Variants in CARMIL1 observed in about 807,000 individuals in gnomAD.
CARMIL1 encodes capping protein regulator and myosin 1 linker 1, also known as F-actin-uncapping protein LRRC16A.
CARMIL1 carries 90 observed loss-of-function variants against 177.1 expected under a neutral mutation model. That is an observed-to-expected ratio of 0.51 (90% CI 0.43 to 0.61). The LOEUF (loss-of-function observed/expected upper bound fraction) is 0.61. Among genes scored for constraint, CARMIL1 ranks in the 20% least tolerant of loss-of-function variants. The pLI is 0.00. For missense variants in CARMIL1, 1,380 were observed against 1,667.0 expected (o/e 0.83, Z 3.00); for synonymous variants, 577 against 606.2 (o/e 0.95, Z 0.71).
chr6:25,606,392 A>AG, intron 35 of CARMIL1, 119 bp downstream of exon 35: 1 of 843,682 alleles, frequency 1.2e-6, no homozygotes, highest in South Asian at 1.8e-5. Flanking sequence ...CGGCTTCTGC[A>AG]GGAGGGGATC....
At chr6:25,550,271 T>A (rs1809951843) in intron 26 of CARMIL1, among the ~76,000 whole-genome samples, 1 of 152,252 alleles carries the variant, frequency 6.6e-6, no homozygotes, top group Non-Finnish European at 1.5e-5. Context: ...GAATGTCTTT[T>A]GAGTGTTACT....
chr6:25,572,521 CA>C (rs140931666), intron 29 of CARMIL1, among the ~76,000 whole-genome samples: 1,704 of 151,796 alleles, frequency 0.011, 25 homozygotes, highest in African/African-American at 0.036. Context: ...GGCAACAAGG[CA>C]AAACCCCGTC....
chr6:25,601,748 CATT>C (rs1815425740), intron 33 of CARMIL1, among the ~76,000 whole-genome samples: 2 of 152,152 alleles, frequency 1.3e-5, no homozygotes, highest in Admixed American at 1.3e-4. Flanking sequence ...TGACTTAAAA[CATT>C]ATTTATTCTT....
chr6:25,370,525 G>A (rs1018896528), intron 2 of CARMIL1, among the ~76,000 whole-genome samples: 6 of 152,190 alleles, frequency 3.9e-5, no homozygotes, highest in Non-Finnish European at 8.8e-5. Flanking sequence ...TGTCTGCCAT[G>A]ATGTGCTTGC....
At chr6:25,463,373 A>G (rs914470994) in intron 8 of CARMIL1, among the ~76,000 whole-genome samples, 1 of 152,226 alleles carries the variant, frequency 6.6e-6, no homozygotes, top group African/African-American at 2.4e-5. Context: ...ATATTGAACC[A>G]TAAGCATTTT....
chr6:25,515,699 G>T lies in CARMIL1; in HGVS notation c.1657G>T (p.Asp553Tyr). The T allele has an allele frequency of 6.2e-7, 1 of 1,606,314 alleles. No individual in the cohort carries two copies. The highest frequency in any genetic ancestry group is 1.1e-5 in the South Asian group (1 of 88,940). Residue 553 changes from aspartate (D) to tyrosine (Y), a missense_variant, in exon 21 of 37, where the codon GAC becomes TAC. By Grantham distance (160) the Asp-to-Tyr change is radical. Transcript: ENST00000329474. This position sits in a 1 kb window ranked among gnomAD's most constrained non-coding sequence, Gnocchi z 5.0. ...GCCTCTGCAGTCCTTGTCCCTGGCTGACTCGAAACTCAAGACTGAGGTCAC... is the reference window on the plus strand; with the variant it reads ...GCCTCTGCAGTCCTTGTCCCTGGCTTACTCGAAACTCAAGACTGAGGTCAC... ...ESPLQSLSLA[D>Y]SKLKTEVTII...
rs1731437328 is a variant in CARMIL1, at chr6:25,411,496, C to T, written c.139-8618C>T. Among the ~76,000 whole-genome samples, 4 of 152,332 alleles carry T rather than the reference C, an allele frequency of 2.6e-5. No individual in the cohort carries two copies. The South Asian group carries it at 6.2e-4, about 24-fold the overall frequency. ...TATGGGAGATTCCAGACTTCTGTAT[C>T]AGCGGGTGCTTTGAAAAGAGGATCT... On this transcript the variant is annotated intron_variant, in intron 2 of 36. Transcript: ENST00000329474.
chr6:25,618,552 G>T (rs954493045), intron 36 of CARMIL1, among the ~76,000 whole-genome samples: 1 of 152,218 alleles, frequency 6.6e-6, no homozygotes, highest in Non-Finnish European at 1.5e-5. Flanking sequence ...GTGAAGCCAT[G>T]TTCTAGTTGG....
rs1305578191 is a variant in CARMIL1 at position 25,471,211 on chromosome 6, T to C, written c.733T>C (p.Ser245Pro). ...CEQILRVVSR[S>P]NRLEELVLEN... Reference sequence around the variant, plus strand: ...ACAGATCTTGAGGGTGGTGAGTAGGTCCAATCGACTGGAAGAATTGGTGTT... The same window carrying C: ...ACAGATCTTGAGGGTGGTGAGTAGGCCCAATCGACTGGAAGAATTGGTGTT... Residue 245 changes from serine (S) to proline (P), a missense_variant, in exon 10 of 37, where the codon TCC becomes CCC. Transcript: ENST00000329474. 6.2e-7 allele frequency: 1 copy of C among 1,613,490 alleles called. No individual in the cohort carries two copies. Among genetic ancestry groups the C allele is most frequent in the East Asian group, 2.2e-5 (1 of 44,842 alleles).
intron 12 of CARMIL1, among the ~76,000 whole-genome samples, chr6:25,487,840 G>A (rs576060644): frequency 8.7e-4 from 133 of 152,142 alleles, no homozygotes; most frequent in Non-Finnish European, 1.5e-3. Context: ...GTTTTCTGAG[G>A]TGAATTTGTC....
chr6:25,420,649 G>T (rs946780927), intron 3 of CARMIL1, among the ~76,000 whole-genome samples: 1 of 152,178 alleles, frequency 6.6e-6, no homozygotes, highest in African/African-American at 2.4e-5. Context: ...TACCAGAAAT[G>T]TAACCATCTC....
chr6:25,399,651 A>T (rs1793725969), intron 2 of CARMIL1, among the ~76,000 whole-genome samples: 1 of 152,168 alleles, frequency 6.6e-6, no homozygotes, highest in Admixed American at 6.5e-5. Flanking sequence ...TGGAGGGGTG[A>T]TTTGGATAGA....
At chr6:25,453,422 A>G (rs760247741) in intron 8 of CARMIL1, among the ~76,000 whole-genome samples, 1 of 152,210 alleles carries the variant, frequency 6.6e-6, no homozygotes, top group Non-Finnish European at 1.5e-5. Context: ...AAATGCAACT[A>G]TCACACAAAC....
At chr6:25,590,813 C>T (rs75063949) in intron 31 of CARMIL1, among the ~76,000 whole-genome samples, 1 of 151,892 alleles carries the variant, frequency 6.6e-6, no homozygotes. Flanking sequence ...TAGCTTTAAT[C>T]TCTTATATAG....
intron 2 of CARMIL1, among the ~76,000 whole-genome samples, chr6:25,378,049 C>T (rs1791164921): frequency 6.6e-6 from 1 of 152,138 alleles, no homozygotes; most frequent in Admixed American, 6.5e-5. Context: ...TCTAGCTCTC[C>T]ATATGTGGGC....
rs769702901 is a variant in CARMIL1 at position 25,459,266 on chromosome 6, CTTTT to C, written c.615-6596_615-6593del. 1.2e-3 allele frequency among the ~76,000 whole-genome samples: 85 copies of C among 73,722 alleles called. 2 individuals are homozygous for C. Among genetic ancestry groups the C allele is most frequent in the Non-Finnish European group, 1.4e-3 (48 of 33,864 alleles). 48.4% of individuals were successfully genotyped at this position (73,722 alleles called of 152,430 possible). On this transcript the variant is annotated intron_variant, in intron 8 of 36. Transcript: ENST00000329474. ...TCTTTCTTTCTTTCTTTCTTTCTTT[CTTTT>C]TTTTTTTTTTAAGACAGGGTCTTGC...
In CARMIL1 at chr6:25,509,432, T is replaced by C. The variant is rs6928493; in HGVS notation, c.1396-224T>C. On this transcript the variant is annotated intron_variant, in intron 17 of 36. Coordinates refer to ENST00000329474, the MANE Select transcript of CARMIL1 (RefSeq NM_017640.6). This position sits in a 1 kb window ranked among gnomAD's most constrained non-coding sequence, Gnocchi z 4.1. ...GTTTCTCTTTTGTTTTTTTCTAATG[T>C]TTTTAGGATTTAATGTGGGATCACA... Among the ~76,000 whole-genome samples, 66,557 of 152,002 alleles carry C rather than the reference T, an allele frequency of 0.44. 14,977 individuals are homozygous for C. The highest frequency in any genetic ancestry group is 0.52 in the Middle Eastern group (153 of 294).
chr6:25,537,490 C>A (rs979508719), intron 24 of CARMIL1, among the ~76,000 whole-genome samples: 1 of 152,126 alleles, frequency 6.6e-6, no homozygotes, highest in African/African-American at 2.4e-5. Context: ...ATAGAGGGTG[C>A]TCACTAAAAG....
At chr6:25,372,791 G>A (rs1401431602) in intron 2 of CARMIL1, among the ~76,000 whole-genome samples, 1 of 152,198 alleles carries the variant, frequency 6.6e-6, no homozygotes, top group African/African-American at 2.4e-5. Flanking sequence ...TTGAATAGAA[G>A]TAGTGAAAGT....
Sources: allele counts gnomAD v4.1 joint callset (sites outside exome capture counted in the v4.1 genomes callset), GRCh38; gene constraint gnomAD v4.1.1; non-coding constraint Gnocchi (gnomAD v3.1); transcripts MANE v1.5; gene names NCBI Gene and HGNC (gene_info 2026-07-23, HGNC 2026-07-21).